The following SH3RF1 variants were observed in gnomAD, a reference collection of about 807,000 sequenced individuals.
SH3RF1 encodes the protein SH3 domain containing ring finger 1.
A neutral mutation model predicts 74.0 loss-of-function variants in SH3RF1; 32 were observed. The ratio of observed to expected loss-of-function variants is 0.43; its 90% CI spans 0.33 to 0.58. The LOEUF is 0.58. Among genes scored for constraint, SH3RF1 ranks in the 20% least tolerant of loss-of-function variants. The pLI is 0.05. For missense variants in SH3RF1, 954 were observed against 1,130.9 expected, an observed-to-expected ratio of 0.84 and a Z score of 2.24; for synonymous variants, 396 against 439.6, an observed-to-expected ratio of 0.90 and a Z score of 1.24.
chr4:169,249,565 A>C (rs1731063500), intron 2 of SH3RF1, among the ~76,000 whole-genome samples: 1 of 152,236 alleles, frequency 6.6e-6, no homozygotes, highest in Non-Finnish European at 1.5e-5. Flanking sequence ...TGGAGATATA[A>C]GGGTATTCTC....
At chr4:169,097,957 G>A (rs1193369104) in intron 11 of SH3RF1, among the ~76,000 whole-genome samples, 1 of 152,200 alleles carries the variant, frequency 6.6e-6, no homozygotes, top group African/African-American at 2.4e-5. Flanking sequence ...CTTTCCAAAA[G>A]CCTAAACTAA....
At chr4:169,162,130 C>G (rs768732867) in intron 2 of SH3RF1, among the ~76,000 whole-genome samples, 5 of 151,870 alleles carry the variant, frequency 3.3e-5, no homozygotes, top group Non-Finnish European at 7.4e-5. Flanking sequence ...GCACTCCAGC[C>G]TGGGCAATAG....
intron 5 of SH3RF1, among the ~76,000 whole-genome samples, chr4:169,131,170 C>T (rs541446119): frequency 2.6e-5 from 4 of 152,220 alleles, no homozygotes; most frequent in South Asian, 2.1e-4. Context: ...GGGGTAGGCC[C>T]GACCAAAGCC....
chr4:169,196,946 GAATA>G (rs1734822499), intron 2 of SH3RF1, among the ~76,000 whole-genome samples: 1 of 151,910 alleles, frequency 6.6e-6, no homozygotes, highest in South Asian at 2.1e-4. Context: ...AAAAAATAAT[GAATA>G]AAAAAGCACT....
At chr4:169,101,045 T>C (rs1733019124) in intron 11 of SH3RF1, among the ~76,000 whole-genome samples, 1 of 152,196 alleles carries the variant, frequency 6.6e-6, no homozygotes, top group Non-Finnish European at 1.5e-5. Flanking sequence ...GAGGCCTCCA[T>C]GTATATGTCT....
intron 4 of SH3RF1, among the ~76,000 whole-genome samples, chr4:169,146,556 G>T (rs1243506073): frequency 3.3e-5 from 5 of 152,062 alleles, no homozygotes; most frequent in African/African-American, 7.2e-5. Flanking sequence ...AAGAATAGTG[G>T]TAGATGTTAT....
At chr4:169,246,786 G>A (rs2110740403) in intron 2 of SH3RF1, among the ~76,000 whole-genome samples, 1 of 152,310 alleles carries the variant, frequency 6.6e-6, no homozygotes, top group Middle Eastern at 3.4e-3. Context: ...ACTAATGTAA[G>A]TCATTTAACT....
intron 10 of SH3RF1, among the ~76,000 whole-genome samples, chr4:169,109,658 G>C (rs1733207706): frequency 6.6e-6 from 1 of 152,090 alleles, no homozygotes; most frequent in Non-Finnish European, 1.5e-5. Context: ...TAGCATCTAT[G>C]AGCACCATTA....
chr4:169,223,205 C>T (rs1395619804), intron 2 of SH3RF1, among the ~76,000 whole-genome samples: 1 of 152,162 alleles, frequency 6.6e-6, no homozygotes, highest in East Asian at 1.9e-4. Flanking sequence ...CAAGGTGCTG[C>T]ACTCAACATG....
intron 10 of SH3RF1, among the ~76,000 whole-genome samples, chr4:169,109,930 T>A (rs1156957133): frequency 7.2e-5 from 11 of 151,820 alleles, no homozygotes; most frequent in Non-Finnish European, 1.5e-4. Context: ...GGAGGGTTGC[T>A]TGAGCCTGGA....
At chr4:169,158,457 A>T (rs1734097886) in intron 2 of SH3RF1, among the ~76,000 whole-genome samples, 1 of 152,228 alleles carries the variant, frequency 6.6e-6, no homozygotes, top group Admixed American at 6.5e-5. Context: ...AGGTAGGCAG[A>T]GGCCAGTTTA....
At chr4:169,128,892 C>T (rs753034618) in intron 6 of SH3RF1, among the ~76,000 whole-genome samples, 1 of 152,212 alleles carries the variant, frequency 6.6e-6, no homozygotes, top group Non-Finnish European at 1.5e-5. Context: ...CAACTTGCAA[C>T]AGCCCTCAAC....
chr4:169,257,561 TC>T (rs1474267557), intron 2 of SH3RF1, among the ~76,000 whole-genome samples: 1 of 152,150 alleles, frequency 6.6e-6, no homozygotes, highest in East Asian at 1.9e-4. Flanking sequence ...GTTACCTGCC[TC>T]CCCGCTCTTT....
Position 169,156,449 on chromosome 4 carries a change from T to C in SH3RF1, c.624A>G (p.Glu208=), listed in dbSNP as rs1561039234. 1 of 1,604,922 alleles carries C rather than the reference T, an allele frequency of 6.2e-7. No individual in the cohort carries two copies. Residue 208 remains glutamate, a synonymous_variant, in exon 3 of 12, where the codon GAA becomes GAG. Transcript: ENST00000284637. Reference sequence around the variant, plus strand: ...CTTTGTCTGCTTCCTTGTCTTTCACTTCAAAGTCATAAAGTGCTTTGCACT... The same window carrying C: ...CTTTGTCTGCTTCCTTGTCTTTCACCTCAAAGTCATAAAGTGCTTTGCACT... ...PPQCKALYDF[E]VKDKEADKDC... is the part of the protein sequence containing the mutation.
intron 6 of SH3RF1, among the ~76,000 whole-genome samples, chr4:169,126,484 T>G (rs1733527510): frequency 6.6e-6 from 1 of 152,244 alleles, no homozygotes; most frequent in Admixed American, 6.5e-5. Context: ...CAGTAAGTTC[T>G]GCTTAGCCTC....
intron 2 of SH3RF1, among the ~76,000 whole-genome samples, chr4:169,202,201 G>C (rs2126990829): frequency 6.6e-6 from 1 of 152,276 alleles, no homozygotes; most frequent in Non-Finnish European, 1.5e-5. Flanking sequence ...CCTACTTCGT[G>C]TTCTTGGTGC....
At chr4:169,155,798 A>G (rs1031712963) in intron 3 of SH3RF1, among the ~76,000 whole-genome samples, 1 of 152,164 alleles carries the variant, frequency 6.6e-6, no homozygotes, top group Admixed American at 6.6e-5. Flanking sequence ...ATGAACTCCT[A>G]TGCAAGGGAG....
At chr4:169,220,331 T>C (rs1200668147) in intron 2 of SH3RF1, 1 of 152,252 alleles carries the variant, frequency 6.6e-6, no homozygotes, top group Non-Finnish European at 1.5e-5. Flanking sequence ...TGAAGAAGAA[T>C]AAATTTCATT....
At chr4:169,206,967 CT>C (rs199824103) in intron 2 of SH3RF1, among the ~76,000 whole-genome samples, 14 of 148,630 alleles carry the variant, frequency 9.4e-5, no homozygotes, top group Admixed American at 1.3e-4. Flanking sequence ...CCCCATTTCT[CT>C]TTTTTTTTTG....
Sources: gnomAD v4.1 joint callset for allele counts (sites outside exome capture counted in the v4.1 genomes callset) on GRCh38, gnomAD v4.1.1 for gene constraint, MANE v1.5 for transcripts, NCBI Gene and HGNC (gene_info 2026-07-23, HGNC 2026-07-21) for gene names.